Variants in CAST observed in about 807,000 individuals in gnomAD.
CAST encodes calpastatin, also known as MIR583 host.
In CAST, 76 loss-of-function variants were observed where a neutral mutation model predicts 119.6. That is an observed-to-expected ratio of 0.64 (90% CI 0.53 to 0.77). The LOEUF is 0.77. CAST is among the 30% of genes least tolerant of loss of function. The probability of loss-of-function intolerance (pLI) is 0.00; values close to 1 mark genes in which losing one functional copy is unlikely to be tolerated. For synonymous variants in CAST, 319 were observed against 331.6 expected (o/e 0.96, Z 0.41); for missense variants, 953 against 946.5 (o/e 1.01, Z -0.09).
chr5:96,355,450 C>A, the CAST span, among the ~76,000 whole-genome samples: 2 of 152,044 alleles, frequency 1.3e-5, no homozygotes. Context: ...TGGGTTGGTT[C>A]CCAGTCTTTG....
At chr5:96,104,252 G>A in the CAST span, among the ~76,000 whole-genome samples, 1 of 152,142 alleles carries the variant, frequency 6.6e-6, no homozygotes, top group Non-Finnish European at 1.5e-5. Context: ...CATCCCATTT[G>A]TCAATTTTGG....
chr5:96,486,782 C>G, the CAST span, among the ~76,000 whole-genome samples: 1 of 152,178 alleles, frequency 6.6e-6, no homozygotes, highest in Admixed American at 6.5e-5. Flanking sequence ...GAGCCTGCTC[C>G]TTGATTCTTC....
At chr5:96,425,816 T>G in the CAST span, 1 of 1,514,786 alleles carries the variant, frequency 6.6e-7, no homozygotes, top group Non-Finnish European at 9.2e-7. Context: ...CTGTAGGTAC[T>G]TACCAAGTAC....
chr5:96,670,479 A>G (rs2150235325), intron 1 of CAST, among the ~76,000 whole-genome samples: 1 of 152,218 alleles, frequency 6.6e-6, no homozygotes, highest in South Asian at 2.1e-4. Flanking sequence ...CTTCTTTTAT[A>G]TGTGAAGAAG....
At chr5:96,716,617 A>AT (rs1421754482) in intron 3 of CAST, among the ~76,000 whole-genome samples, 1 of 151,840 alleles carries the variant, frequency 6.6e-6, no homozygotes, top group Non-Finnish European at 1.5e-5. Flanking sequence ...TGAGGAAAGG[A>AT]TTTTTTTTCA....
chr5:96,446,784 A>G, the CAST span, among the ~76,000 whole-genome samples: 1 of 152,214 alleles, frequency 6.6e-6, no homozygotes, highest in Non-Finnish European at 1.5e-5. Context: ...AGGCTGCCGT[A>G]TCCTAGAGAC....
At chr5:96,497,555 A>G in the CAST span, among the ~76,000 whole-genome samples, 216 of 152,078 alleles carry the variant, frequency 1.4e-3, no homozygotes, top group Middle Eastern at 0.024. Flanking sequence ...TTGCCATTCT[A>G]ACTGGTGTGA....
At chr5:96,017,421 C>A in the CAST span, among the ~76,000 whole-genome samples, 1 of 152,192 alleles carries the variant, frequency 6.6e-6, no homozygotes, top group Non-Finnish European at 1.5e-5. Context: ...AATTTCACAT[C>A]AATTAGGCTC....
chr5:96,727,351 CT>C, intron 5 of CAST, 137 bp from the exon 6 acceptor site: 1 of 522,988 alleles, frequency 1.9e-6, no homozygotes, highest in Non-Finnish European at 3.3e-6. Context: ...ACAAACTTAA[CT>C]GATAATGTTT....
At chr5:96,325,135 T>G in the CAST span, among the ~76,000 whole-genome samples, 2 of 151,728 alleles carry the variant, frequency 1.3e-5, no homozygotes, top group African/African-American at 2.4e-5. Context: ...GCCCGGGAGG[T>G]AGAGGTTGCG....
chr5:96,203,935 C>T, the CAST span, among the ~76,000 whole-genome samples: 1 of 151,950 alleles, frequency 6.6e-6, no homozygotes, highest in African/African-American at 2.4e-5. Context: ...ATAGACCGGG[C>T]TGATGAGTAA....
chr5:96,320,731 C>A, the CAST span, among the ~76,000 whole-genome samples: 1 of 151,836 alleles, frequency 6.6e-6, no homozygotes, highest in Admixed American at 6.6e-5. Flanking sequence ...GTACAATAGA[C>A]AGTCCCTTGC....
At chr5:96,595,922 TG>T (rs1258150604) in intron 1 of CAST, among the ~76,000 whole-genome samples, 2 of 152,162 alleles carry the variant, frequency 1.3e-5, no homozygotes, top group Admixed American at 1.3e-4. Flanking sequence ...GGAGGTGGCG[TG>T]GCATAAGACC....
At chr5:96,387,126 ATAGT>A in the CAST span, among the ~76,000 whole-genome samples, 1 of 152,170 alleles carries the variant, frequency 6.6e-6, no homozygotes, top group South Asian at 2.1e-4. Flanking sequence ...TCAATGGCAC[ATAGT>A]TAGAAGGTGG....
chr5:96,532,876 A>C (rs903870208), intron 1 of CAST, among the ~76,000 whole-genome samples: 1 of 151,924 alleles, frequency 6.6e-6, no homozygotes, highest in Non-Finnish European at 1.5e-5. Flanking sequence ...TAATTAAAAA[A>C]TCAGCCAGGA....
At chr5:96,387,583 G>A in the CAST span, among the ~76,000 whole-genome samples, 2 of 152,014 alleles carry the variant, frequency 1.3e-5, no homozygotes, top group Non-Finnish European at 2.9e-5. Context: ...ATACTATTCA[G>A]TAAGCATTTT....
At chr5:96,161,828 C>T in the CAST span, among the ~76,000 whole-genome samples, 1 of 152,082 alleles carries the variant, frequency 6.6e-6, no homozygotes, top group Non-Finnish European at 1.5e-5. Context: ...AAATCTTGCT[C>T]TTCTTTTGTG....
the CAST span, among the ~76,000 whole-genome samples, chr5:96,412,125 G>A: frequency 6.6e-6 from 1 of 152,194 alleles, no homozygotes; most frequent in African/African-American, 2.4e-5. Context: ...CCACAAATAG[G>A]GAAAACTTTC....
chr5:96,709,412 A>G (rs564948913), intron 3 of CAST, among the ~76,000 whole-genome samples: 1 of 152,304 alleles, frequency 6.6e-6, no homozygotes, highest in South Asian at 2.1e-4. Context: ...TGCTCACCAG[A>G]GGACTTAGAA....
Sources: allele counts gnomAD v4.1 joint callset (sites outside exome capture counted in the v4.1 genomes callset), GRCh38; gene constraint gnomAD v4.1.1; transcripts MANE v1.5; gene names NCBI Gene and HGNC (gene_info 2026-07-23, HGNC 2026-07-21).